Variants in SEC23A observed in about 807,000 individuals in gnomAD.
SEC23A encodes the protein SEC23 homolog A, COPII component, also known as protein transport protein Sec23A.
A neutral mutation model predicts 103.7 loss-of-function variants in SEC23A; 56 were observed. The ratio of observed to expected loss-of-function variants is 0.54; its 90% CI spans 0.44 to 0.67. SEC23A has a LOEUF of 0.67. Ranked by LOEUF, SEC23A falls within the 30% of genes least tolerant of loss-of-function variation. The pLI is 0.00. For synonymous variants in SEC23A, 281 were observed against 293.0 expected, an observed-to-expected ratio of 0.96 and a Z score of 0.42; for missense variants, 784 against 936.4, an observed-to-expected ratio of 0.84 and a Z score of 2.12.
intron 9 of SEC23A, among the ~76,000 whole-genome samples, chr14:39,069,968 C>T (rs531220737): frequency 4.6e-5 from 7 of 152,326 alleles, no homozygotes; most frequent in Middle Eastern, 3.4e-3. Context: ...CATCTGACAT[C>T]CTATCTACCA....
intron 6 of SEC23A, 95 bp downstream of exon 6, chr14:39,086,834 T>C: frequency 5.4e-6 from 4 of 743,730 alleles, no homozygotes; most frequent in South Asian, 4.6e-5. Flanking sequence ...TAAAAATATT[T>C]AACAATATAG....
intron 18 of SEC23A, chr14:39,040,485 C>T (rs368579846): frequency 1.8e-6 from 1 of 542,534 alleles, no homozygotes; most frequent in East Asian, 3.2e-5. Context: ...CCATCCTGGC[C>T]CTGTTCAGGA....
chr14:39,068,208 T>C (rs1886737845), intron 9 of SEC23A, among the ~76,000 whole-genome samples: 1 of 152,156 alleles, frequency 6.6e-6, no homozygotes, highest in African/African-American at 2.4e-5. Context: ...TCTAATAGAT[T>C]GGCAAAAATC....
intron 1 of SEC23A, among the ~76,000 whole-genome samples, chr14:39,099,891 T>G (rs920628294): frequency 6.6e-6 from 1 of 151,998 alleles, no homozygotes; most frequent in Admixed American, 6.6e-5. Flanking sequence ...CTTTGGATAC[T>G]CAATAATGTT....
At chr14:39,052,718 A>G (rs538740836) in intron 14 of SEC23A, among the ~76,000 whole-genome samples, 2 of 152,380 alleles carry the variant, frequency 1.3e-5, no homozygotes, top group African/African-American at 4.8e-5. Flanking sequence ...ATTAGTGAAA[A>G]AAACTAAGGA....
At chr14:39,068,011 C>T (rs1286761541) in intron 9 of SEC23A, among the ~76,000 whole-genome samples, 5 of 151,936 alleles carry the variant, frequency 3.3e-5, no homozygotes, top group African/African-American at 4.8e-5. Context: ...TATGTATATG[C>T]ATGTACTATC....
chr14:39,074,570 G>A, intron 8 of SEC23A, 40 bp from the exon 9 acceptor site: 1 of 1,280,640 alleles, frequency 7.8e-7, no homozygotes, highest in East Asian at 2.4e-5. Flanking sequence ...ATACAAAATT[G>A]TCCTATAAAT....
chr14:39,080,715 TAAATA>T (rs1566504976), intron 7 of SEC23A, among the ~76,000 whole-genome samples: 1 of 152,110 alleles, frequency 6.6e-6, no homozygotes, highest in Non-Finnish European at 1.5e-5. Context: ...CGGGAGTTCT[TAAATA>T]AAATAAAACA....
intron 9 of SEC23A, among the ~76,000 whole-genome samples, chr14:39,072,300 ATT>A (rs528810062): frequency 6.2e-4 from 95 of 152,308 alleles, no homozygotes; most frequent in Non-Finnish European, 1.2e-3. Context: ...TGATAAAGGG[ATT>A]TATATCCAAA....
At chr14:39,089,352 G>A (rs938541955) in intron 5 of SEC23A, among the ~76,000 whole-genome samples, 1 of 151,668 alleles carries the variant, frequency 6.6e-6, no homozygotes, top group African/African-American at 2.4e-5. Flanking sequence ...TACACTATAA[G>A]GTATATACTA....
chr14:39,040,211 T>G (rs754723035), intron 18 of SEC23A: 1 of 155,912 alleles, frequency 6.4e-6, no homozygotes, highest in African/African-American at 2.4e-5. Flanking sequence ...TGTGTATGTA[T>G]GTATATGTAT....
chr14:39,063,179 A>T, intron 12 of SEC23A, 145 bp downstream of exon 12: 1 of 565,758 alleles, frequency 1.8e-6, no homozygotes, highest in African/African-American at 1.9e-5. Flanking sequence ...AAAATAAAAA[A>T]CGACAAATAT....
chr14:39,086,140 C>T (rs772557196), intron 6 of SEC23A, among the ~76,000 whole-genome samples: 1 of 152,096 alleles, frequency 6.6e-6, no homozygotes, highest in Non-Finnish European at 1.5e-5. Flanking sequence ...GAAGAATTTG[C>T]ATTTCAAACG....
At chr14:39,060,125 G>GTGTGTGTGTGTGCACACACA (rs1455221283) in intron 13 of SEC23A, among the ~76,000 whole-genome samples, 1 of 151,276 alleles carries the variant, frequency 6.6e-6, no homozygotes, top group African/African-American at 2.4e-5. Flanking sequence ...GTGCACACAC[G>GTGTGTGTGTGTGCACACACA]TTGAGAGCCA....
chr14:39,077,227 C>CAAAAAAAA (rs57549556), intron 7 of SEC23A, among the ~76,000 whole-genome samples: 41 of 36,462 alleles, frequency 1.1e-3, no homozygotes, highest in African/African-American at 1.7e-3. Flanking sequence ...GACTCCATCT[C>CAAAAAAAA]AAAAAAAAAA....
At chr14:39,056,749 A>C (rs1886264851) in intron 13 of SEC23A, among the ~76,000 whole-genome samples, 1 of 152,136 alleles carries the variant, frequency 6.6e-6, no homozygotes, top group Non-Finnish European at 1.5e-5. Context: ...AGGCGTGAGC[A>C]CCACACCAGG....
chr14:39,065,062 T>C (rs1886612444), intron 10 of SEC23A, 69 bp from the exon 11 acceptor site: 2 of 929,654 alleles, frequency 2.2e-6, no homozygotes, highest in Admixed American at 3.5e-5. Flanking sequence ...TACAGGTGTA[T>C]AAGAATATAA....
Position 39,033,104 on chromosome 14 carries a change from T to C in SEC23A, c.*135A>G, listed in dbSNP as rs890357954. On this transcript the variant is annotated 3_prime_UTR_variant, in exon 20 of 20. Coordinates refer to ENST00000307712, the MANE Select transcript of SEC23A (RefSeq NM_006364.4). Reference sequence around the variant, plus strand: ...AATCTACAAATGTGAACATTTTCCATATGTTGTCTCAAACCATACTAATAC... The same window carrying C: ...AATCTACAAATGTGAACATTTTCCACATGTTGTCTCAAACCATACTAATAC... The C allele has an allele frequency of 1.5e-5, 10 of 681,554 alleles. No individual in the cohort carries two copies. The highest frequency in any genetic ancestry group is 9.0e-5 in the African/African-American group (5 of 55,508). 42.2% of individuals were successfully genotyped at this position (681,554 alleles called of 1,614,324 possible). A position where few individuals can be genotyped will look rare whatever the true frequency, so the allele number is the denominator to read the frequency against.
intron 11 of SEC23A, 78 bp downstream of exon 11, chr14:39,064,835 T>G (rs923632128): frequency 1.9e-6 from 2 of 1,039,654 alleles, no homozygotes; most frequent in African/African-American, 3.1e-5. Context: ...CTGCCTCAGC[T>G]TCCCAAGTAC....
Sources: gnomAD v4.1 joint callset for allele counts (sites outside exome capture counted in the v4.1 genomes callset) on GRCh38, gnomAD v4.1.1 for gene constraint, MANE v1.5 for transcripts, NCBI Gene and HGNC (gene_info 2026-07-23, HGNC 2026-07-21) for gene names.